The following HSD17B12 variants were observed in gnomAD, a reference collection of about 807,000 sequenced individuals.
HSD17B12 encodes very-long-chain 3-oxoacyl-CoA reductase.
A neutral mutation model predicts 39.3 loss-of-function variants in HSD17B12; 32 were observed. That is an observed-to-expected ratio of 0.81 (90% CI 0.61 to 1.09). The LOEUF is 1.09. Among genes scored for constraint, HSD17B12 ranks in the 50% least tolerant of loss-of-function variants. The probability of loss-of-function intolerance (pLI) is 0.00; values close to 1 mark genes in which losing one functional copy is unlikely to be tolerated. For missense variants in HSD17B12, 342 were observed against 382.9 expected, an observed-to-expected ratio of 0.89 and a Z score of 0.89; for synonymous variants, 150 against 146.7, an observed-to-expected ratio of 1.02 and a Z score of -0.16.
At chr11:43,814,091 TTC>T (rs1176349158) in intron 4 of HSD17B12, among the ~76,000 whole-genome samples, 1 of 152,216 alleles carries the variant, frequency 6.6e-6, no homozygotes, top group Non-Finnish European at 1.5e-5. Flanking sequence ...CAACTGAAAC[TTC>T]TCTTTTTTAA....
At chr11:43,695,352 G>A (rs1949900919) in intron 1 of HSD17B12, among the ~76,000 whole-genome samples, 1 of 152,194 alleles carries the variant, frequency 6.6e-6, no homozygotes, top group African/African-American at 2.4e-5. Flanking sequence ...GCCGAGGCAG[G>A]TGGATCACTT....
At chr11:43,727,691 C>T (rs1461503767) in intron 1 of HSD17B12, among the ~76,000 whole-genome samples, 1 of 152,148 alleles carries the variant, frequency 6.6e-6, no homozygotes, top group Non-Finnish European at 1.5e-5. Flanking sequence ...AGTTTTACAA[C>T]TCCTTCTCCA....
chr11:43,589,693 T>C, the HSD17B12 span, among the ~76,000 whole-genome samples: 1 of 152,290 alleles, frequency 6.6e-6, no homozygotes, highest in South Asian at 2.1e-4. Context: ...GCCTAGAAAG[T>C]GGTCTTGCTA....
chr11:43,855,448 T>C lies in HSD17B12; in HGVS notation c.*200T>C, dbSNP rs1951574247. ...ATTCTGGATACTATCCGAGGTAATT[T>C]TGAAGTTTAATATAAATGCTCATAT... is the stretch of plus-strand genomic sequence containing the variant. On this transcript the variant is annotated 3_prime_UTR_variant, in exon 11 of 11. Transcript: ENST00000278353. The C allele has an allele frequency of 2.9e-6, 1 of 345,334 alleles. No homozygotes were observed. Among genetic ancestry groups the C allele is most frequent in the Non-Finnish European group, 5.2e-6 (1 of 192,106 alleles). 21.4% of individuals were successfully genotyped at this position (345,334 alleles called of 1,614,324 possible). A position where few individuals can be genotyped will look rare whatever the true frequency, so the allele number is the denominator to read the frequency against.
the HSD17B12 span, among the ~76,000 whole-genome samples, chr11:43,654,420 T>A: frequency 1.3e-5 from 2 of 152,150 alleles, no homozygotes; most frequent in Non-Finnish European, 2.9e-5. Flanking sequence ...TTTGTCAATT[T>A]TGGCTTTTGA....
chr11:43,838,186 C>A, intron 7 of HSD17B12, 131 bp from the exon 8 acceptor site: 1 of 675,110 alleles, frequency 1.5e-6, no homozygotes, highest in Non-Finnish European at 2.7e-6. Context: ...TGATGAAAGG[C>A]AGGGAGAGAT....
At chr11:43,801,534 A>G (rs1377925301) in intron 4 of HSD17B12, among the ~76,000 whole-genome samples, 1 of 151,560 alleles carries the variant, frequency 6.6e-6, no homozygotes, top group Non-Finnish European at 1.5e-5. Flanking sequence ...AGATCATTTA[A>G]AACTAGAAAT....
At chr11:43,809,449 T>C (rs935167952) in intron 4 of HSD17B12, among the ~76,000 whole-genome samples, 3 of 152,204 alleles carry the variant, frequency 2.0e-5, no homozygotes, top group Non-Finnish European at 2.9e-5. Context: ...TTTTGGTATA[T>C]ACACTGTTAC....
At chr11:43,848,429 A>G (rs1004005977) in intron 9 of HSD17B12, 1 of 152,178 alleles carries the variant, frequency 6.6e-6, no homozygotes, top group African/African-American at 2.4e-5. Flanking sequence ...GGTTACCTCA[A>G]CAGTCAGATA....
chr11:43,811,603 T>G (rs187132376), intron 4 of HSD17B12, among the ~76,000 whole-genome samples: 2 of 152,290 alleles, frequency 1.3e-5, no homozygotes, highest in East Asian at 3.9e-4. Context: ...AGATACATAA[T>G]ATTTCTACAT....
intron 3 of HSD17B12, among the ~76,000 whole-genome samples, chr11:43,777,192 T>G (rs1287571359): frequency 1.3e-5 from 2 of 151,422 alleles, no homozygotes; most frequent in African/African-American, 2.5e-5. Flanking sequence ...TAAATTGCCT[T>G]GGGCAGTATG....
the HSD17B12 span, chr11:43,673,460 T>A: frequency 6.5e-6 from 1 of 154,238 alleles, no homozygotes; most frequent in Non-Finnish European, 1.4e-5. Flanking sequence ...TCTCCTTTAG[T>A]CTTTTTCTTT....
chr11:43,846,055 G>A (rs1305612816), intron 9 of HSD17B12, among the ~76,000 whole-genome samples: 6 of 152,198 alleles, frequency 3.9e-5, no homozygotes, highest in Non-Finnish European at 7.3e-5. Flanking sequence ...TGTGCCTTGA[G>A]GCAGAGAGGA....
the HSD17B12 span, among the ~76,000 whole-genome samples, chr11:43,589,018 G>T: frequency 2.0e-5 from 3 of 151,284 alleles, no homozygotes; most frequent in East Asian, 1.9e-4. Flanking sequence ...TTGATGGGGA[G>T]AAAAAGCAAT....
chr11:43,619,262 T>TG, the HSD17B12 span, among the ~76,000 whole-genome samples: 5 of 117,138 alleles, frequency 4.3e-5, no homozygotes, highest in South Asian at 9.9e-4. Context: ...ATATATATTT[T>TG]ATATATATAT....
intron 1 of HSD17B12, among the ~76,000 whole-genome samples, chr11:43,722,288 G>GT (rs1950183090): frequency 6.6e-6 from 1 of 152,110 alleles, no homozygotes; most frequent in African/African-American, 2.4e-5. Flanking sequence ...CTTTATATGT[G>GT]TTTTTTTCTT....
intron 1 of HSD17B12, chr11:43,719,056 G>A: frequency 2.5e-6 from 2 of 807,272 alleles, no homozygotes; most frequent in East Asian, 4.8e-5. Context: ...TCAACACCCT[G>A]ATTCAGCCTG....
At chr11:43,810,858 A>G (rs990941686) in intron 4 of HSD17B12, among the ~76,000 whole-genome samples, 1 of 152,204 alleles carries the variant, frequency 6.6e-6, no homozygotes, top group African/African-American at 2.4e-5. Flanking sequence ...CTAGTGCCTC[A>G]CTTCAAGAAT....
intron 3 of HSD17B12, among the ~76,000 whole-genome samples, chr11:43,764,472 G>A (rs1950579361): frequency 6.6e-6 from 1 of 152,032 alleles, no homozygotes; most frequent in African/African-American, 2.4e-5. Flanking sequence ...GAGAATTGAT[G>A]GGCAGTATTG....
Sources: gnomAD v4.1 joint callset for allele counts (sites outside exome capture counted in the v4.1 genomes callset) on GRCh38, gnomAD v4.1.1 for gene constraint, MANE v1.5 for transcripts, NCBI Gene and HGNC (gene_info 2026-07-23, HGNC 2026-07-21) for gene names.